The following AOAH variants were observed in gnomAD, a reference collection of about 807,000 sequenced individuals.
AOAH encodes acyloxyacyl hydrolase.
A neutral mutation model predicts 92.2 loss-of-function variants in AOAH; 64 were observed. The ratio of observed to expected loss-of-function variants is 0.69; its 90% CI spans 0.57 to 0.86. The LOEUF (loss-of-function observed/expected upper bound fraction) is 0.86, where lower values mean the gene tolerates loss of function less well. AOAH is among the 40% of genes least tolerant of loss of function. The pLI, the probability that AOAH is intolerant of heterozygous loss-of-function variation, is 0.00. For synonymous variants in AOAH, 263 were observed against 254.5 expected, an observed-to-expected ratio of 1.03 and a Z score of -0.32; for missense variants, 656 against 694.6, an observed-to-expected ratio of 0.94 and a Z score of 0.62.
chr7:36,685,453 C>T (rs769604967), intron 2 of AOAH, among the ~76,000 whole-genome samples: 1 of 152,110 alleles, frequency 6.6e-6, no homozygotes, highest in Non-Finnish European at 1.5e-5. Context: ...GGCTATGTTT[C>T]CTAGGGCATT....
intron 4 of AOAH, among the ~76,000 whole-genome samples, chr7:36,639,561 A>G (rs994516122): frequency 2.0e-5 from 3 of 152,258 alleles, no homozygotes; most frequent in Admixed American, 6.5e-5. Context: ...GATTTTATGC[A>G]CATAGGAAAA....
chr7:36,618,594 T>A (rs1792063254), intron 9 of AOAH, among the ~76,000 whole-genome samples: 1 of 152,170 alleles, frequency 6.6e-6, no homozygotes, highest in Non-Finnish European at 1.5e-5. Flanking sequence ...TGGGTAGGGT[T>A]CTGGGAGAGG....
At chr7:36,632,264 C>G (rs1793174319) in intron 5 of AOAH, among the ~76,000 whole-genome samples, 158 bp from the exon 6 acceptor site, 1 of 152,134 alleles carries the variant, frequency 6.6e-6, no homozygotes. Flanking sequence ...CCTGTCCCCA[C>G]CATCCATATC....
intron 6 of AOAH, among the ~76,000 whole-genome samples, chr7:36,624,867 C>T (rs1415975121): frequency 6.6e-6 from 1 of 152,194 alleles, no homozygotes; most frequent in Non-Finnish European, 1.5e-5. Flanking sequence ...CTTCTTCTGT[C>T]CCCCTAGGGA....
At chr7:36,635,799 A>G (rs1793480664) in intron 5 of AOAH, among the ~76,000 whole-genome samples, 1 of 152,214 alleles carries the variant, frequency 6.6e-6, no homozygotes, top group African/African-American at 2.4e-5. Context: ...GGGTGAGCAC[A>G]TAACTTAACC....
intron 4 of AOAH, among the ~76,000 whole-genome samples, chr7:36,638,940 C>G (rs1420219478): frequency 6.6e-6 from 1 of 152,166 alleles, no homozygotes; most frequent in African/African-American, 2.4e-5. Flanking sequence ...CTCTGACCAC[C>G]CAGCCTCTTC....
At position 36,522,050 on chromosome 7, in the gene AOAH, G is replaced by A. The variant is rs772560359; in HGVS notation, c.1588C>T (p.His530Tyr). ...WQLIEPVDGFHPNEVALLLLA... is the reference protein window; with the variant it reads ...WQLIEPVDGFYPNEVALLLLA... Reference sequence around the variant, plus strand: ...GTGACTGTGCTTACCTCGTTGGGGTGGAATCCATCCACGGGCTCGATGAGC... The same window carrying A: ...GTGACTGTGCTTACCTCGTTGGGGTAGAATCCATCCACGGGCTCGATGAGC... Residue 530 changes from histidine (H) to tyrosine (Y), a missense_variant, in exon 20 of 21, where the codon CAC (histidine) becomes TAC (tyrosine). Coordinates refer to ENST00000617537, the MANE Select transcript of AOAH (RefSeq NM_001637.4). The A allele has an allele frequency of 5.6e-6, 9 of 1,614,156 alleles. No individual in the cohort carries two copies. The East Asian group carries it at 6.7e-5, about 12-fold the overall frequency.
chr7:36,640,383 T>C (rs570202368), intron 4 of AOAH, among the ~76,000 whole-genome samples: 31 of 152,134 alleles, frequency 2.0e-4, no homozygotes, highest in Non-Finnish European at 4.0e-4. Flanking sequence ...TAACATCAAA[T>C]TGAAGCAAAG....
intron 2 of AOAH, among the ~76,000 whole-genome samples, chr7:36,683,166 A>G (rs2116740586): frequency 6.6e-6 from 1 of 152,360 alleles, no homozygotes; most frequent in African/African-American, 2.4e-5. Flanking sequence ...TAAGATGCTC[A>G]GGGAAAGACA....
At chr7:36,588,150 A>G (rs921531205) in intron 12 of AOAH, among the ~76,000 whole-genome samples, 14 of 152,156 alleles carry the variant, frequency 9.2e-5, no homozygotes, top group African/African-American at 3.4e-4. Context: ...TTAAGGGAGG[A>G]TGTCCCCCTC....
intron 13 of AOAH, among the ~76,000 whole-genome samples, chr7:36,563,019 C>CAT (rs1787391671): frequency 6.6e-6 from 1 of 151,438 alleles, no homozygotes; most frequent in African/African-American, 2.4e-5. Context: ...TGGTGGCAGG[C>CAT]GCCTGTAATC....
intron 2 of AOAH, among the ~76,000 whole-genome samples, chr7:36,683,101 T>C (rs990186372): frequency 1.3e-5 from 2 of 152,174 alleles, no homozygotes; most frequent in African/African-American, 4.8e-5. Context: ...AAACAGCAAA[T>C]AACTTGTAAG....
rs572064254 is a variant in AOAH at position 36,623,342 on chromosome 7, C to T, written c.522-92G>A. On this transcript the variant is annotated intron_variant, in intron 6 of 20. Transcript: ENST00000617537. ...TAGAGAGACATTTTCTGATACAGCT[C>T]TGTTGAGTTTATGCCACAGAGGGCC... is the stretch of plus-strand genomic sequence containing the variant. The T allele has an allele frequency of 5.2e-6, 6 of 1,159,712 alleles. No individual in the cohort carries two copies. In the African/African-American group the frequency reaches 7.7e-5, roughly 15 times the overall value. 71.8% of individuals were successfully genotyped at this position (1,159,712 alleles called of 1,614,324 possible).
intron 13 of AOAH, chr7:36,550,206 A>G (rs1331714782): frequency 1.3e-5 from 2 of 152,006 alleles, no homozygotes; most frequent in African/African-American, 4.8e-5. Flanking sequence ...AATACAAAAA[A>G]ATTAGCCAGG....
intron 15 of AOAH, among the ~76,000 whole-genome samples, chr7:36,548,213 T>A (rs1257133202): frequency 1.3e-5 from 2 of 152,004 alleles, no homozygotes; most frequent in Non-Finnish European, 2.9e-5. Context: ...TGAGATAGAG[T>A]CTTGCTCCGT....
intron 13 of AOAH, among the ~76,000 whole-genome samples, chr7:36,567,132 A>C (rs1482500643): frequency 6.6e-6 from 1 of 152,076 alleles, no homozygotes; most frequent in African/African-American, 2.4e-5. Context: ...AACTTAAATA[A>C]ATTTTCACTC....
chr7:36,595,450 T>A (rs1285503269), intron 11 of AOAH, among the ~76,000 whole-genome samples: 1 of 152,200 alleles, frequency 6.6e-6, no homozygotes, highest in Non-Finnish European at 1.5e-5. Flanking sequence ...GGAGGATTGC[T>A]TGAGCCCAGG....
intron 3 of AOAH, among the ~76,000 whole-genome samples, chr7:36,660,692 C>T (rs1296607496): frequency 6.6e-6 from 1 of 152,170 alleles, no homozygotes; most frequent in Non-Finnish European, 1.5e-5. Flanking sequence ...GGTATAAGGA[C>T]AGTTCTTTTA....
chr7:36,695,285 T>C (rs899379345), intron 1 of AOAH, among the ~76,000 whole-genome samples: 7 of 152,226 alleles, frequency 4.6e-5, no homozygotes, highest in Non-Finnish European at 1.0e-4. Flanking sequence ...GTGAAAACCA[T>C]GCATTCTTTT....
Sources: gnomAD v4.1 joint callset for allele counts (sites outside exome capture counted in the v4.1 genomes callset) on GRCh38, gnomAD v4.1.1 for gene constraint, MANE v1.5 for transcripts, NCBI Gene and HGNC (gene_info 2026-07-23, HGNC 2026-07-21) for gene names.